Variants in CLSTN3 observed in about 807,000 individuals in gnomAD.
CLSTN3 encodes the protein calsyntenin 3.
Under a neutral mutation model 95.9 loss-of-function variants are expected in CLSTN3, and 36 were observed. The observed-to-expected ratio is 0.38, with a 90% CI of 0.29 to 0.50. CLSTN3 has a LOEUF of 0.50. CLSTN3 is among the 20% of genes least tolerant of loss of function. The pLI, the probability that CLSTN3 is intolerant of heterozygous loss-of-function variation, is 0.95. For synonymous variants in CLSTN3, 481 were observed against 504.0 expected (o/e 0.95, Z 0.61); for missense variants, 1,084 against 1,268.8 (o/e 0.85, Z 2.21).
Position 7,142,102 on chromosome 12 carries a change from G to T in CLSTN3, c.1503G>T (p.Glu501Asp), listed in dbSNP as rs758723252. The change falls in exon 10 of 18, where the codon GAG becomes GAT. Residue 501 changes from glutamate (E) to aspartate (D), a missense_variant. Glu to Asp is a conservative substitution (Grantham distance 45). Coordinates refer to ENST00000266546, the MANE Select transcript of CLSTN3 (RefSeq NM_014718.4). The part of the protein sequence containing the change: ...GACWTEEKNK[E>D]KEKGDNSTDT... ...TATCCCCAGAGGAGAAGAACAAAGA[G>T]AAGGAAAAGGGAGACAACAGTACAG... 1 of 1,599,786 alleles carries T rather than the reference G, an allele frequency of 6.3e-7. No homozygotes were observed. Among genetic ancestry groups the T allele is most frequent in the Non-Finnish European group, 8.5e-7 (1 of 1,172,428 alleles).
chr12:7,136,030 A>G (rs1353988950), intron 5 of CLSTN3, 77 bp downstream of exon 5: 132 of 1,538,254 alleles, frequency 8.6e-5, no homozygotes, highest in Admixed American at 3.9e-5. Flanking sequence ...TCTGACAATC[A>G]TGGGGGCCAG....
chr12:7,130,310 C>CCA (rs1461153347), upstream of CLSTN3: 72 of 815,538 alleles, frequency 8.8e-5, 4 homozygotes, highest in South Asian at 1.6e-3. Flanking sequence ...TGGTCCCCCC[C>CCA]CCTCCCAGTC....
Position 7,135,331 on chromosome 12 carries a change from A to G in CLSTN3, c.388A>G (p.Thr130Ala), listed in dbSNP as rs1241295520. 1.9e-5 allele frequency: 31 copies of G among 1,613,790 alleles called. No homozygotes were observed. The highest frequency in any genetic ancestry group is 2.5e-5 in the Non-Finnish European group (30 of 1,179,930). ...GANTKKSHKATVHVRVNDVNE... is the reference protein window; with the variant it reads ...GANTKKSHKAAVHVRVNDVNE... ...CCTTCTCTCTGGCATATGCAGGGCCACTGTGCATGTGCGGGTCAACGATGT... is the reference window on the plus strand; with the variant it reads ...CCTTCTCTCTGGCATATGCAGGGCCGCTGTGCATGTGCGGGTCAACGATGT... The change falls in exon 4 of 18, where the codon ACT becomes GCT. Residue 130 changes from threonine (T) to alanine (A), a missense_variant. Coordinates refer to ENST00000266546, the MANE Select transcript of CLSTN3 (RefSeq NM_014718.4).
At position 7,136,282 on chromosome 12, in the gene CLSTN3, T is replaced by C. The variant is rs905722256; in HGVS notation, c.819T>C (p.Cys273=). 2 of 1,614,056 alleles carry C rather than the reference T, an allele frequency of 1.2e-6. No individual in the cohort carries two copies. Among genetic ancestry groups the C allele is most frequent in the Admixed American group, 1.7e-5 (1 of 59,994 alleles). The part of the protein sequence containing the change: ...ALFPGIRLET[C]DEPLWNIQAT... ...TCCCTGGTATCCGCCTGGAGACCTG[T>C]GATGAACCACTCTGGAACATTCAGG... The change falls in exon 6 of 18, where the codon TGT becomes TGC. Residue 273 remains cysteine (C), a synonymous_variant. Coordinates refer to ENST00000266546, the MANE Select transcript of CLSTN3 (RefSeq NM_014718.4).
Position 7,157,469 on chromosome 12 carries a change from C to T in CLSTN3, c.2528-20C>T, listed in dbSNP as rs770467748. The T allele has an allele frequency of 3.9e-6, 6 of 1,548,188 alleles. No individual in the cohort carries two copies. The highest frequency in any genetic ancestry group is 3.8e-5 in the Admixed American group (2 of 52,160). Reference sequence around the variant, plus strand: ...GGTGTGCCTAGTCACGCTCTGCTCACCCCCGCGCTCTCTCTGCAGTGATAC... The same window carrying T: ...GGTGTGCCTAGTCACGCTCTGCTCATCCCCGCGCTCTCTCTGCAGTGATAC... On this transcript the variant is annotated intron_variant, in intron 16 of 17. Coordinates refer to ENST00000266546, the MANE Select transcript of CLSTN3 (RefSeq NM_014718.4). The surrounding 1 kb of genome is among the most constrained non-coding windows in gnomAD (Gnocchi z 5.9).
At chr12:7,138,213 C>T (rs1214761320) in intron 8 of CLSTN3, 146 bp downstream of exon 8, 1 of 560,028 alleles carries the variant, frequency 1.8e-6, no homozygotes, top group African/African-American at 1.9e-5. Context: ...CCATTCTACT[C>T]CCAGGTCCTC....
chr12:7,143,301 A>T lies in CLSTN3; in HGVS notation c.1837A>T (p.Thr613Ser), dbSNP rs762951337. Reference protein sequence around the residue: ...TPGVRPLRLTTAVKCFSEESC... With the variant: ...TPGVRPLRLTSAVKCFSEESC... ...CGGCGTCAGGCCCCTGCGCCTCACC[A>T]CTGCTGTCAAGTGAGTGTTGGGTGG... The change falls in exon 12 of 18, where the codon ACT becomes TCT. Residue 613 changes from threonine (T) to serine (S), a missense_variant. By Grantham distance (58) the Thr-to-Ser change is moderately conservative (BLOSUM62 1). Transcript: ENST00000266546. 5 of 1,608,812 alleles carry T rather than the reference A, an allele frequency of 3.1e-6. No individual in the cohort carries two copies. The South Asian group carries it at 5.5e-5, about 18-fold the overall frequency.
intron 16 of CLSTN3, among the ~76,000 whole-genome samples, chr12:7,154,848 C>T (rs1210188131): frequency 6.6e-6 from 1 of 152,028 alleles, no homozygotes; most frequent in African/African-American, 2.4e-5. Flanking sequence ...AATAAGGATC[C>T]AATGAAGCCA....
rs962246568 is a variant in CLSTN3 at position 7,142,795 on chromosome 12, T to C, written c.1541-74T>C. The C allele has an allele frequency of 3.0e-6, 4 of 1,350,104 alleles. No homozygotes were observed. In the African/African-American group the frequency reaches 5.9e-5, roughly 20 times the overall value. 83.6% of individuals were successfully genotyped at this position (1,350,104 alleles called of 1,614,324 possible). The stretch of plus-strand genomic sequence containing the variant: ...TCTTCTGCTCTTTCTCTCCTTTCCC[T>C]TTCTCTCAGCCTTCGTCCTTTTCCA... On this transcript the variant is annotated intron_variant, in intron 10 of 17. Coordinates refer to ENST00000266546, the MANE Select transcript of CLSTN3 (RefSeq NM_014718.4).
chr12:7,130,303 T>TGGCCCCC, upstream of CLSTN3: 1 of 778,326 alleles, frequency 1.3e-6, no homozygotes, highest in Non-Finnish European at 1.6e-6. Context: ...CAGCACCTGG[T>TGGCCCCC]CCCCCCCCCT....
Position 7,135,491 on chromosome 12 carries a change from A to T in CLSTN3, c.548A>T (p.Tyr183Phe), listed in dbSNP as rs762440271. The T allele has an allele frequency of 6.2e-7, 1 of 1,614,104 alleles. No homozygotes were observed. The highest frequency in any genetic ancestry group is 8.5e-7 in the Non-Finnish European group (1 of 1,179,992). ...CSPQYSQICY[Y>F]EILTPNTPFL... Reference sequence around the variant, plus strand: ...CCCCAGTACAGCCAGATCTGCTACTATGAGATTCTCACACCCAACACCCCT... The same window carrying T: ...CCCCAGTACAGCCAGATCTGCTACTTTGAGATTCTCACACCCAACACCCCT... The change falls in exon 4 of 18, where the codon TAT (tyrosine) becomes TTT (phenylalanine). Residue 183 changes from tyrosine to phenylalanine, a missense_variant. Physicochemically the swap from Tyr to Phe is conservative, Grantham distance 22. Coordinates refer to ENST00000266546, the MANE Select transcript of CLSTN3 (RefSeq NM_014718.4).
At position 7,157,660 on chromosome 12, in the gene CLSTN3, C is replaced by T; in HGVS notation, c.2699C>T (p.Ser900Leu). 1 of 1,601,096 alleles carries T rather than the reference C, an allele frequency of 6.2e-7. No individual in the cohort carries two copies. The highest frequency in any genetic ancestry group is 8.5e-7 in the Non-Finnish European group (1 of 1,173,470). ...PKDPDLFWDD[S>L]ALTIIVNPME... ...GACCCAGACCTCTTCTGGGATGACT[C>T]AGCTCTCACCATCATTGTGAACCCC... Residue 900 changes from serine (S) to leucine (L), a missense_variant, in exon 17 of 18, where the codon TCA becomes TTA. Physicochemically the swap from Ser to Leu is moderately radical, Grantham distance 145 (BLOSUM62 -2). Coordinates refer to ENST00000266546, the MANE Select transcript of CLSTN3 (RefSeq NM_014718.4). The surrounding 1 kb of genome is among the most constrained non-coding windows in gnomAD (Gnocchi z 5.9).
In CLSTN3 at chr12:7,141,200, C is replaced by T. The variant is rs2305341; in HGVS notation, c.1324-42C>T. The T allele has an allele frequency of 6.9e-6, 11 of 1,593,764 alleles. No individual in the cohort carries two copies. Among genetic ancestry groups the T allele is most frequent in the African/African-American group, 5.4e-5 (4 of 73,944 alleles). On this transcript the variant is annotated intron_variant, in intron 8 of 17. Transcript: ENST00000266546. This position sits in a 1 kb window ranked among gnomAD's most constrained non-coding sequence, Gnocchi z 4.1. ...GTGCCTAGGGTTAGCTCTCTGAAGA[C>T]GAATTACCTGAGAGGCTCTTGCCCC...
At chr12:7,148,772 T>C (rs1252227895) in intron 12 of CLSTN3, among the ~76,000 whole-genome samples, 200 bp from the exon 13 acceptor site, 1 of 152,188 alleles carries the variant, frequency 6.6e-6, no homozygotes, top group African/African-American at 2.4e-5. Flanking sequence ...CTTGGTGACA[T>C]CCTACCAGGA....
intron 1 of CLSTN3, chr12:7,132,699 G>T: frequency 1.7e-6 from 1 of 572,388 alleles, no homozygotes. Context: ...TCTCTAGCAC[G>T]TGAAATCGCT....
upstream of CLSTN3, chr12:7,129,578 C>T: frequency 2.0e-6 from 2 of 981,478 alleles, no homozygotes; most frequent in Non-Finnish European, 2.4e-6. The surrounding 1 kb of genome is among the most constrained non-coding windows in gnomAD (Gnocchi z 5.5). Context: ...CCCTCTGAGT[C>T]ATCGATGAGA....
At chr12:7,130,325 G>T, upstream of CLSTN3, 4 of 978,062 alleles carry the variant, frequency 4.1e-6, no homozygotes, top group East Asian at 5.1e-5. Flanking sequence ...CCAGTCACCT[G>T]ATTGGCCGGC....
rs755588426 is a variant in CLSTN3, at chr12:7,149,082, G to A, written c.1958G>A (p.Arg653His). ...ILLSGTAHFA[R>H]PAVDFEGTNG... ...CTGAGTGGCACTGCTCATTTTGCCC[G>A]CCCAGCTGTGGACTTTGAGGGAACC... The change falls in exon 13 of 18, where the codon CGC becomes CAC. Residue 653 changes from arginine (R) to histidine (H), a missense_variant. By Grantham distance (29) the Arg-to-His change is conservative (BLOSUM62 0). Coordinates refer to ENST00000266546, the MANE Select transcript of CLSTN3 (RefSeq NM_014718.4). The surrounding 1 kb of genome is among the most constrained non-coding windows in gnomAD (Gnocchi z 4.5). 52 of 1,614,076 alleles carry A rather than the reference G, an allele frequency of 3.2e-5. No homozygotes were observed. Among genetic ancestry groups the A allele is most frequent in the Non-Finnish European group, 4.2e-5 (49 of 1,180,038 alleles).
chr12:7,136,740 C>T (rs1325626494), intron 6 of CLSTN3, 89 bp from the exon 7 acceptor site: 7 of 1,441,646 alleles, frequency 4.9e-6, no homozygotes, highest in African/African-American at 4.2e-5. Context: ...GAAATCTTTT[C>T]CCATCAGTCC....
Sources: gnomAD v4.1 joint callset for allele counts (sites outside exome capture counted in the v4.1 genomes callset) on GRCh38, gnomAD v4.1.1 for gene constraint, Gnocchi (gnomAD v3.1) non-coding constraint, MANE v1.5 for transcripts, NCBI Gene and HGNC (gene_info 2026-07-23, HGNC 2026-07-21) for gene names.